The following INTS14 variants were observed in gnomAD, a reference collection of about 807,000 sequenced individuals.
The protein encoded by INTS14 is UPF0464 protein C15orf44.
INTS14 carries 27 observed loss-of-function variants against 56.9 expected under a neutral mutation model. That is an observed-to-expected ratio of 0.47 (90% confidence interval 0.35 to 0.65). INTS14 has a LOEUF of 0.65. INTS14 is among the 30% of genes least tolerant of loss of function. The probability of loss-of-function intolerance (pLI) is 0.00; values close to 1 mark genes in which losing one functional copy is unlikely to be tolerated. For missense variants in INTS14, 517 were observed against 632.2 expected, an observed-to-expected ratio of 0.82 and a Z score of 1.95; for synonymous variants, 207 against 236.2, an observed-to-expected ratio of 0.88 and a Z score of 1.13.
In INTS14 at chr15:65,591,725, T is replaced by C; in HGVS notation, c.993A>G (p.Glu331=). The C allele has an allele frequency of 6.2e-7, 1 of 1,613,996 alleles. No individual in the cohort carries two copies. The highest frequency in any genetic ancestry group is 8.5e-7 in the Non-Finnish European group (1 of 1,179,946). The stretch of plus-strand genomic sequence containing the variant: ...CTTGGGAGTAGAGCATTCCATGCCA[T>C]TCAGGACTAGATGGAGAGAAGACGG... ...GMVAIVQLGP[E]WHGMLYSQAD... is the part of the protein sequence containing the mutation. Residue 331 remains glutamate (E), a synonymous_variant, in exon 9 of 12, where the codon GAA becomes GAG. Transcript: ENST00000313182.
chr15:65,591,767 C>G (rs1003887281), intron 8 of INTS14, 36 bp from the exon 9 acceptor site: 1 of 1,609,808 alleles, frequency 6.2e-7, no homozygotes, highest in Admixed American at 1.7e-5. Context: ...AGAAGAACAT[C>G]AAGCCTGAGA....
intron 6 of INTS14, among the ~76,000 whole-genome samples, chr15:65,597,193 C>T (rs889845419): frequency 6.6e-6 from 1 of 152,164 alleles, no homozygotes; most frequent in Non-Finnish European, 1.5e-5. Flanking sequence ...CTTCCAGAAG[C>T]TAAAGGCACA....
intron 10 of INTS14, among the ~76,000 whole-genome samples, chr15:65,584,518 G>A (rs2072745639): frequency 6.6e-6 from 1 of 152,144 alleles, no homozygotes; most frequent in African/African-American, 2.4e-5. Context: ...TTTGCCTTGG[G>A]TTCCTGGCAC....
Position 65,599,935 on chromosome 15 carries a change from T to G in INTS14, c.331-6A>C. 1 of 1,609,416 alleles carries G rather than the reference T, an allele frequency of 6.2e-7. No individual in the cohort carries two copies. The highest frequency in any genetic ancestry group is 8.5e-7 in the Non-Finnish European group (1 of 1,178,084). On this transcript the variant is annotated splice_polypyrimidine_tract_variant and splice_region_variant and intron_variant, in intron 3 of 11. Transcript: ENST00000313182. ...CCGTCTGTCACCAGGACAACCTGTT[T>G]GTAAAAAGAGAGAGAGGAGGTTGTA...
chr15:65,580,827 C>A (rs966593706), intron 11 of INTS14, among the ~76,000 whole-genome samples: 3 of 152,220 alleles, frequency 2.0e-5, no homozygotes, highest in African/African-American at 7.2e-5. Context: ...CTACCCCACC[C>A]CCTGTAACTT....
chr15:65,580,437 T>G (rs1300832619), intron 11 of INTS14, among the ~76,000 whole-genome samples: 1 of 152,138 alleles, frequency 6.6e-6, no homozygotes, highest in Non-Finnish European at 1.5e-5. Context: ...TGTGTCATCA[T>G]GAGTAAATAG....
Position 65,581,323 on chromosome 15 carries a change from T to C in INTS14, c.1305+631A>G, listed in dbSNP as rs1166663584. Among the ~76,000 whole-genome samples, 6 of 139,538 alleles carry C rather than the reference T, an allele frequency of 4.3e-5. 2 individuals carry two copies. Among genetic ancestry groups the C allele is most frequent in the African/African-American group, 8.5e-5 (3 of 35,228 alleles). The allele number at this position is 139,538 out of a possible 152,430, so 91.5% of individuals were successfully genotyped here. On this transcript the variant is annotated intron_variant, in intron 11 of 11. Transcript: ENST00000313182. ...TGAGCCCGCGAGGCGGAGGTTGCAG[T>C]GAGCTGAGATCGTGCTACTGCACTC...
At position 65,581,820 on chromosome 15, in the gene INTS14, T is replaced by TAG. The variant is rs2072631822; in HGVS notation, c.1305+133_1305+134insCT. The stretch of plus-strand genomic sequence containing the variant: ...TTAGGGAAGGAACAGACCTATCACT[T>TAG]TTACTGAGTTTATTTGAAAAAACTG... On this transcript the variant is annotated intron_variant, in intron 11 of 11. Transcript: ENST00000313182. The TAG allele has an allele frequency of 2.8e-5, 24 of 862,124 alleles. 1 individual carries two copies. In the South Asian group the frequency reaches 2.8e-4, roughly 10 times the overall value. The allele number at this position is 862,124 out of a possible 1,614,324, so 53.4% of individuals were successfully genotyped here. A position where few individuals can be genotyped will look rare whatever the true frequency, so the allele number is the denominator to read the frequency against.
chr15:65,605,044 T>C (rs2073594312), intron 3 of INTS14, 85 bp downstream of exon 3: 1 of 950,574 alleles, frequency 1.1e-6, no homozygotes, highest in Non-Finnish European at 1.7e-6. Flanking sequence ...TTACAATGCA[T>C]GCTGTGTCAG....
At chr15:65,589,561 T>C (rs750441635) in intron 9 of INTS14, among the ~76,000 whole-genome samples, 7 of 152,244 alleles carry the variant, frequency 4.6e-5, no homozygotes, top group Non-Finnish European at 1.0e-4. Context: ...GCTACCATGC[T>C]ACAGAGCACT....
chr15:65,579,772 A>G, intron 11 of INTS14, 113 bp from the exon 12 acceptor site: 1 of 1,411,304 alleles, frequency 7.1e-7, no homozygotes, highest in Non-Finnish European at 9.4e-7. Flanking sequence ...GAGCAATTTT[A>G]TATGAGAACA....
chr15:65,592,336 G>C (rs1317149037), intron 8 of INTS14, among the ~76,000 whole-genome samples: 1 of 152,118 alleles, frequency 6.6e-6, no homozygotes, highest in South Asian at 2.1e-4. Context: ...CCTAACTCTT[G>C]ATCTATACCA....
At chr15:65,602,207 C>G (rs1178662919) in intron 3 of INTS14, among the ~76,000 whole-genome samples, 1 of 151,554 alleles carries the variant, frequency 6.6e-6, no homozygotes. Context: ...CCACTGCACT[C>G]AAGCCTGGGC....
At chr15:65,585,506 T>C (rs2072785895) in intron 9 of INTS14, among the ~76,000 whole-genome samples, 1 of 152,240 alleles carries the variant, frequency 6.6e-6, no homozygotes, top group Non-Finnish European at 1.5e-5. Context: ...AATACTTTTA[T>C]TGGTGAAGCA....
intron 7 of INTS14, among the ~76,000 whole-genome samples, chr15:65,593,941 A>G (rs571745742): frequency 6.6e-6 from 1 of 152,256 alleles, no homozygotes; most frequent in African/African-American, 2.4e-5. Context: ...TGGTTGCACA[A>G]CTCTGCAAAT....
chr15:65,582,022 A>T lies in INTS14; in HGVS notation c.1240-3T>A, dbSNP rs371096322. 4.5e-4 allele frequency: 717 copies of T among 1,579,538 alleles called. No individual in the cohort carries two copies. Among genetic ancestry groups the T allele is most frequent in the Non-Finnish European group, 5.8e-4 (680 of 1,170,682 alleles). ...CTTAAAATCTTCTGTACATCTGTCTATTAAGGGTAAAAAAAAAAATCCAAC... is the reference window on the plus strand; with the variant it reads ...CTTAAAATCTTCTGTACATCTGTCTTTTAAGGGTAAAAAAAAAAATCCAAC... On this transcript the variant is annotated splice_region_variant and splice_polypyrimidine_tract_variant and intron_variant, in intron 10 of 11. Transcript: ENST00000313182.
intron 3 of INTS14, among the ~76,000 whole-genome samples, chr15:65,603,500 AGGGCCTC>A (rs1210868177): frequency 1.3e-5 from 2 of 152,118 alleles, no homozygotes; most frequent in Non-Finnish European, 2.9e-5. Flanking sequence ...TTTTTAAGAC[AGGGCCTC>A]ACTATGTGGT....
intron 9 of INTS14, among the ~76,000 whole-genome samples, chr15:65,587,536 A>C (rs928511505): frequency 6.6e-6 from 1 of 152,228 alleles, no homozygotes; most frequent in Non-Finnish European, 1.5e-5. Context: ...TGTAACAAGG[A>C]CTGAATACTG....
intron 9 of INTS14, among the ~76,000 whole-genome samples, chr15:65,585,136 T>C (rs758557465): frequency 2.5e-4 from 38 of 152,220 alleles, no homozygotes; most frequent in African/African-American, 8.4e-4. Flanking sequence ...ATCTGATTTA[T>C]AAATTAAGGT....
Sources: gnomAD v4.1 joint callset for allele counts (sites outside exome capture counted in the v4.1 genomes callset) on GRCh38, gnomAD v4.1.1 for gene constraint, MANE v1.5 for transcripts, NCBI Gene and HGNC (gene_info 2026-07-23, HGNC 2026-07-21) for gene names.